The following ACSL5 variants were observed in gnomAD, a reference collection of about 807,000 sequenced individuals.
ACSL5 encodes long-chain-fatty-acid--CoA ligase 5.
In ACSL5, 50 loss-of-function variants were observed where a neutral mutation model predicts 84.9. That is an observed-to-expected ratio of 0.59 (90% confidence interval 0.47 to 0.75). ACSL5 has a LOEUF of 0.75. Ranked by LOEUF, ACSL5 falls within the 30% of genes least tolerant of loss-of-function variation. The pLI is 0.00. For synonymous variants in ACSL5, 280 were observed against 300.7 expected, an observed-to-expected ratio of 0.93 and a Z score of 0.71; for missense variants, 775 against 830.4, an observed-to-expected ratio of 0.93 and a Z score of 0.82.
chr10:112,412,045 C>A, intron 11 of ACSL5, 66 bp downstream of exon 11: 3 of 1,443,228 alleles, frequency 2.1e-6, no homozygotes, highest in South Asian at 1.1e-5. Flanking sequence ...CATGTTTATT[C>A]CAAAGGCAGC....
intron 3 of ACSL5, among the ~76,000 whole-genome samples, chr10:112,399,985 T>C (rs1843840865): frequency 1.3e-5 from 2 of 152,224 alleles, no homozygotes; most frequent in Non-Finnish European, 2.9e-5. Flanking sequence ...AGCTCGTAAG[T>C]GTTTTATAAA....
Position 112,386,047 on chromosome 10 carries a change from T to A in ACSL5, c.-29-8871T>A, listed in dbSNP as rs147119230. ...CTAGCCAGTTGTCTCAGTACGTTTA[T>A]TTTAAGTGAAAAAATACCTATTTTG... On this transcript the variant is annotated intron_variant, in intron 1 of 20. Coordinates refer to ENST00000354655, the MANE Select transcript of ACSL5 (RefSeq NM_203379.2). Among the ~76,000 whole-genome samples the A allele has an allele frequency of 6.0e-3, 919 of 152,218 alleles. 12 individuals carry two copies. The highest frequency in any genetic ancestry group is 0.021 in the African/African-American group (873 of 41,546).
At chr10:112,411,601 A>G (rs1844179085) in intron 10 of ACSL5, 72 bp downstream of exon 10, 1 of 1,390,234 alleles carries the variant, frequency 7.2e-7, no homozygotes, top group African/African-American at 1.4e-5. Context: ...TTTTGAGGTT[A>G]GAGCAGGCAG....
At chr10:112,402,237 G>A (rs1843928844) in intron 3 of ACSL5, among the ~76,000 whole-genome samples, 1 of 152,094 alleles carries the variant, frequency 6.6e-6, no homozygotes, top group South Asian at 2.1e-4. Context: ...CAAACTGCTG[G>A]GATTACAGGC....
chr10:112,411,553 G>A (rs1332749778), intron 10 of ACSL5, 24 bp downstream of exon 10: 1 of 1,595,868 alleles, frequency 6.3e-7, no homozygotes, highest in Non-Finnish European at 8.6e-7. Flanking sequence ...TGAAAAAGAG[G>A]CTCTCATTAA....
intron 1 of ACSL5, chr10:112,376,249 GA>G: frequency 6.3e-7 from 1 of 1,599,346 alleles, no homozygotes; most frequent in Non-Finnish European, 8.5e-7. Flanking sequence ...GACATGGCCT[GA>G]CTCGGGACAG....
chr10:112,398,813 T>G, intron 2 of ACSL5, 88 bp from the exon 3 acceptor site: 1 of 1,139,120 alleles, frequency 8.8e-7, no homozygotes, highest in Non-Finnish European at 1.3e-6. Flanking sequence ...AAAATCGGCA[T>G]TTATGGTCTC....
chr10:112,401,831 TCTTTCTTTCTTCCTTC>T (rs754328674), intron 3 of ACSL5, among the ~76,000 whole-genome samples: 7,033 of 118,258 alleles, frequency 0.059, 201 homozygotes, highest in Non-Finnish European at 0.076. Flanking sequence ...TTTCTTTCTT[TCTTTCTTTCTTCCTTC>T]CTTCCTTCCT....
chr10:112,384,121 G>C (rs1189596582), intron 1 of ACSL5, among the ~76,000 whole-genome samples: 1 of 151,246 alleles, frequency 6.6e-6, no homozygotes, highest in Non-Finnish European at 1.5e-5. Context: ...AGGAGGCAGA[G>C]GTTGCAGTGA....
chr10:112,391,106 C>A (rs1849553498), intron 1 of ACSL5, among the ~76,000 whole-genome samples: 1 of 152,148 alleles, frequency 6.6e-6, no homozygotes, highest in Admixed American at 6.5e-5. Context: ...GGGCCAGGTG[C>A]AATGGCTCAT....
rs961756460 is a variant in ACSL5 at position 112,422,504 on chromosome 10, A to C, written c.1593+63A>C. The C allele has an allele frequency of 6.0e-5, 89 of 1,485,288 alleles. No individual in the cohort carries two copies. The East Asian group carries it at 2.0e-3, about 33-fold the overall frequency. 92.0% of individuals were successfully genotyped at this position (1,485,288 alleles called of 1,614,324 possible). ...ATGGACTGAGAAGAACAATCTGCTT[A>C]TAGCAAGAGGTGCAGAAATGCAAGT... On this transcript the variant is annotated intron_variant, in intron 17 of 20. Coordinates refer to ENST00000354655, the MANE Select transcript of ACSL5 (RefSeq NM_203379.2).
chr10:112,422,563 G>A, intron 17 of ACSL5, 122 bp downstream of exon 17: 2 of 866,658 alleles, frequency 2.3e-6, no homozygotes, highest in Non-Finnish European at 3.7e-6. Flanking sequence ...GAGGGGATTA[G>A]GTTTGTACCC....
At chr10:112,394,691 G>A (rs1564733842) in intron 1 of ACSL5, 1 of 964,758 alleles carries the variant, frequency 1.0e-6, no homozygotes, top group African/African-American at 1.8e-5. Flanking sequence ...TGTGAGGACA[G>A]TCAAGTAGCA....
intron 1 of ACSL5, among the ~76,000 whole-genome samples, chr10:112,383,425 C>T (rs1849389404): frequency 6.6e-6 from 1 of 152,260 alleles, no homozygotes; most frequent in Non-Finnish European, 1.5e-5. Flanking sequence ...GGCTGTAGGT[C>T]AGGATCTCAG....
chr10:112,400,002 C>T (rs4333963), intron 3 of ACSL5, among the ~76,000 whole-genome samples: 70,856 of 151,976 alleles, frequency 0.47, 17,140 homozygotes, highest in South Asian at 0.58. Flanking sequence ...TAAAAGTAGT[C>T]ACTCCTCCAG....
At chr10:112,422,572 C>G in intron 17 of ACSL5, 131 bp downstream of exon 17, 1 of 793,406 alleles carries the variant, frequency 1.3e-6, no homozygotes, top group Non-Finnish European at 2.1e-6. Flanking sequence ...AGGTTTGTAC[C>G]CTACCTGGCT....
intron 6 of ACSL5, 73 bp downstream of exon 6, chr10:112,408,594 GTTTA>G (rs756231628): frequency 1.2e-5 from 13 of 1,122,110 alleles, no homozygotes; most frequent in African/African-American, 4.6e-5. Flanking sequence ...CTGCTTTTTT[GTTTA>G]TTTGTTTGTT....
At chr10:112,376,273 C>T in intron 1 of ACSL5, 3 of 1,613,754 alleles carry the variant, frequency 1.9e-6, no homozygotes, top group Non-Finnish European at 2.5e-6. Context: ...CAGAGCAGGG[C>T]AGAACTGGGG....
intron 19 of ACSL5, 156 bp downstream of exon 19, chr10:112,426,515 A>G (rs992947062): frequency 3.1e-6 from 2 of 644,616 alleles, no homozygotes; most frequent in African/African-American, 3.7e-5. Flanking sequence ...TTTAAAAAAT[A>G]AAACTCTCTT....
Sources: gnomAD v4.1 joint callset for allele counts (sites outside exome capture counted in the v4.1 genomes callset) on GRCh38, gnomAD v4.1.1 for gene constraint, MANE v1.5 for transcripts, NCBI Gene and HGNC (gene_info 2026-07-23, HGNC 2026-07-21) for gene names.